PIWIL3: variants seen among roughly 807,000 people sequenced by gnomAD.
The protein encoded by PIWIL3 is piwi-like protein 3.
A neutral mutation model predicts 109.7 loss-of-function variants in PIWIL3; 101 were observed. The ratio of observed to expected loss-of-function variants is 0.92; its 90% CI spans 0.78 to 1.09. The LOEUF (loss-of-function observed/expected upper bound fraction) is 1.09, where lower values mean the gene tolerates loss of function less well. PIWIL3 is among the 50% of genes least tolerant of loss of function. The pLI is 0.00. For synonymous variants in PIWIL3, 373 were observed against 376.4 expected, an observed-to-expected ratio of 0.99 and a Z score of 0.10; for missense variants, 1,031 against 1,072.6, an observed-to-expected ratio of 0.96 and a Z score of 0.54.
At chr22:24,755,245 T>G (rs1924953331) in intron 6 of PIWIL3, among the ~76,000 whole-genome samples, 1 of 152,000 alleles carries the variant, frequency 6.6e-6, no homozygotes, top group African/African-American at 2.4e-5. Flanking sequence ...GCCTCAGCCT[T>G]TCAAGTAGCT....
intron 12 of PIWIL3, among the ~76,000 whole-genome samples, chr22:24,737,479 A>T (rs969263789): frequency 5.9e-5 from 9 of 152,216 alleles, no homozygotes; most frequent in African/African-American, 2.2e-4. Flanking sequence ...GGACTCAGAC[A>T]TGCTGGCTTC....
At position 24,719,902 on chromosome 22, in the gene PIWIL3, A is replaced by G; in HGVS notation, c.2358-7T>C. The G allele has an allele frequency of 6.2e-7, 1 of 1,604,598 alleles. No individual in the cohort carries two copies. Among genetic ancestry groups the G allele is most frequent in the South Asian group, 1.1e-5 (1 of 90,178 alleles). ...CACAATAAAAAAGTCATACCTGGAA[A>G]TATAGGACATGTGGGTATCAGCTCA... On this transcript the variant is annotated splice_region_variant and splice_polypyrimidine_tract_variant and intron_variant, in intron 19 of 20. Transcript: ENST00000616349.
In PIWIL3 at chr22:24,728,318, G is replaced by C. The variant is rs1018830706; in HGVS notation, c.1764C>G (p.Tyr588Ter). The part of the protein sequence containing the change: ...DKRRYDSIKR[Y>*]LCTKCPIPSQ... ...TTGGAATTGGGCATTTGGTACATAGGTATCTTTTTATGCTGTCATATCTAC... is the reference window on the plus strand; with the variant it reads ...TTGGAATTGGGCATTTGGTACATAGCTATCTTTTTATGCTGTCATATCTAC... The change falls in exon 15 of 21, where the codon TAC (tyrosine) becomes TAG (stop). Residue 588 changes from tyrosine to a stop codon, truncating the protein, a stop_gained. Coordinates refer to ENST00000616349, the MANE Select transcript of PIWIL3 (RefSeq NM_001255975.1). LOFTEE classifies it high-confidence loss of function. 16 of 1,614,020 alleles carry C rather than the reference G, an allele frequency of 9.9e-6. No homozygotes were observed. Among genetic ancestry groups the C allele is most frequent in the Middle Eastern group, 1.6e-4 (1 of 6,084 alleles).
At chr22:24,745,307 A>C (rs559094567) in intron 12 of PIWIL3, among the ~76,000 whole-genome samples, 11 of 152,308 alleles carry the variant, frequency 7.2e-5, no homozygotes, top group African/African-American at 2.6e-4. Context: ...AAAGAATTAG[A>C]AATACAAAGC....
In PIWIL3 at chr22:24,735,953, T is replaced by C. The variant is rs368368024; in HGVS notation, c.1450-61A>G. ...ATTTTAAAGATCAACTTATCTGAGA[T>C]CCTGTACGCTGTAAATCCGTGCTAT... On this transcript the variant is annotated intron_variant, in intron 12 of 20. Transcript: ENST00000616349. 5.2e-5 allele frequency: 70 copies of C among 1,342,450 alleles called. No individual in the cohort carries two copies. In the East Asian group the frequency reaches 1.4e-3, roughly 27 times the overall value. 83.2% of individuals were successfully genotyped at this position (1,342,450 alleles called of 1,614,324 possible).
chr22:24,727,655 G>A (rs1412267684), intron 16 of PIWIL3, among the ~76,000 whole-genome samples: 1 of 152,176 alleles, frequency 6.6e-6, no homozygotes, highest in Non-Finnish European at 1.5e-5. Flanking sequence ...GGTCCTGAGA[G>A]CGTGAACTAC....
At chr22:24,728,127 TCA>T (rs1223367625) in intron 15 of PIWIL3, 48 bp downstream of exon 15, 2 of 1,608,774 alleles carry the variant, frequency 1.2e-6, no homozygotes, top group Non-Finnish European at 1.7e-6. Flanking sequence ...TAAGAGAATC[TCA>T]AGTTTTATTA....
intron 1 of PIWIL3, among the ~76,000 whole-genome samples, chr22:24,767,357 GA>G (rs1925853692): frequency 6.8e-6 from 1 of 147,142 alleles, no homozygotes; most frequent in Non-Finnish European, 1.5e-5. Context: ...ACAACATGGT[GA>G]AACCCCGTCT....
At chr22:24,727,405 A>G (rs1923060772) in intron 16 of PIWIL3, among the ~76,000 whole-genome samples, 1 of 152,228 alleles carries the variant, frequency 6.6e-6, no homozygotes, top group Non-Finnish European at 1.5e-5. Context: ...ACAAGGGCTC[A>G]ATGTGCTATG....
At chr22:24,759,672 A>C (rs981607559) in intron 3 of PIWIL3, among the ~76,000 whole-genome samples, 197 bp downstream of exon 3, 1 of 152,216 alleles carries the variant, frequency 6.6e-6, no homozygotes, top group African/African-American at 2.4e-5. Flanking sequence ...TCTCCCTTCC[A>C]CAAGTTAAGA....
intron 2 of PIWIL3, 112 bp from the exon 3 acceptor site, chr22:24,760,101 T>TGC: frequency 7.1e-7 from 1 of 1,411,950 alleles, no homozygotes; most frequent in Non-Finnish European, 9.7e-7. Context: ...AAAGCTCACA[T>TGC]TCCAGTGACA....
intron 12 of PIWIL3, among the ~76,000 whole-genome samples, chr22:24,747,154 A>G (rs755498107): frequency 4.6e-5 from 7 of 152,136 alleles, no homozygotes; most frequent in Non-Finnish European, 8.8e-5. Flanking sequence ...GATCAGAAAT[A>G]GAGAACCCAA....
Position 24,757,975 on chromosome 22 carries a change from A to T in PIWIL3, c.288T>A (p.Gly96=). ...HTAPLQERRI[G]GVFQDLVVNT... Reference sequence around the variant, plus strand: ...TCACCACCAGGTCTTGAAAAACTCCACCAATCCTTCTCTCCTGCAAGGGCG... The same window carrying T: ...TCACCACCAGGTCTTGAAAAACTCCTCCAATCCTTCTCTCCTGCAAGGGCG... Residue 96 remains glycine (G), a synonymous_variant, in exon 4 of 21, where the codon GGT becomes GGA. Coordinates refer to ENST00000616349, the MANE Select transcript of PIWIL3 (RefSeq NM_001255975.1). 6.2e-7 allele frequency: 1 copy of T among 1,613,898 alleles called. No homozygotes were observed. The highest frequency in any genetic ancestry group is 1.1e-5 in the South Asian group (1 of 91,046).
In PIWIL3 at chr22:24,757,965, GA is replaced by G. The variant is rs1287516552; in HGVS notation, c.297del (p.Gln100LysfsTer5). 5 of 1,613,788 alleles carry G rather than the reference GA, an allele frequency of 3.1e-6. No individual in the cohort carries two copies. The Admixed American group carries it at 5.0e-5, about 16-fold the overall frequency. ...TGCCTGGTGTTCACCACCAGGTCTT[GA>G]AAAACTCCACCAATCCTTCTCTCCT... ...PLQERRIGGV[F>X]QDLVVNTRQD... is the part of the protein sequence containing the mutation. On this transcript the variant is annotated frameshift_variant, in exon 4 of 21. Coordinates refer to ENST00000616349, the MANE Select transcript of PIWIL3 (RefSeq NM_001255975.1). LOFTEE classifies it high-confidence loss of function.
rs868332493 is a variant in PIWIL3, at chr22:24,719,864, G to A, written c.2389C>T (p.Gln797Ter). The stretch of plus-strand genomic sequence containing the variant: ...TGAGTGGGGGTAACAGTCCCATCTT[G>A]CACAGACTGACTCACAATAAAAAAG... ...YDFFIVSQSV[Q>*]DGTVTPTHYN... The change falls in exon 20 of 21, where the codon CAA (glutamine) becomes TAA (stop). Residue 797 changes from glutamine (Q) to a stop codon, truncating the protein, a stop_gained. Coordinates refer to ENST00000616349, the MANE Select transcript of PIWIL3 (RefSeq NM_001255975.1). LOFTEE classifies it high-confidence loss of function. 2.0e-5 allele frequency: 32 copies of A among 1,611,424 alleles called. No homozygotes were observed. The South Asian group carries it at 3.4e-4, about 17-fold the overall frequency.
chr22:24,774,261 G>T (rs1926297733), intron 1 of PIWIL3, 61 bp downstream of exon 1: 1 of 151,510 alleles, frequency 6.6e-6, no homozygotes, highest in South Asian at 2.1e-4. Flanking sequence ...CCTGTTCTAT[G>T]CCCCCATGCC....
At chr22:24,720,993 T>C (rs534625597) in intron 19 of PIWIL3, among the ~76,000 whole-genome samples, 1 of 152,346 alleles carries the variant, frequency 6.6e-6, no homozygotes, top group South Asian at 2.1e-4. Flanking sequence ...AAATCAAGGC[T>C]TTTTTATACT....
At chr22:24,753,827 G>C (rs1308919826) in intron 8 of PIWIL3, among the ~76,000 whole-genome samples, 187 bp downstream of exon 8, 1 of 152,200 alleles carries the variant, frequency 6.6e-6, no homozygotes, top group African/African-American at 2.4e-5. Context: ...TTCAAGAAGA[G>C]TGAAGTCTAC....
chr22:24,730,981 T>G (rs1250974769), intron 14 of PIWIL3, among the ~76,000 whole-genome samples: 1 of 152,196 alleles, frequency 6.6e-6, no homozygotes, highest in East Asian at 1.9e-4. Context: ...TCACAACTCT[T>G]TCAGTACTGA....
Sources: allele counts gnomAD v4.1 joint callset (sites outside exome capture counted in the v4.1 genomes callset), GRCh38; gene constraint gnomAD v4.1.1; transcripts MANE v1.5; gene names NCBI Gene and HGNC (gene_info 2026-07-23, HGNC 2026-07-21).